Variants in ECT2L observed in about 807,000 individuals in gnomAD.
ECT2L encodes epithelial cell-transforming sequence 2 oncogene-like.
ECT2L carries 126 observed loss-of-function variants against 122.8 expected under a neutral mutation model. That is an observed-to-expected ratio of 1.03 (90% CI 0.89 to 1.19). The LOEUF (loss-of-function observed/expected upper bound fraction) is 1.19, where lower values mean the gene tolerates loss of function less well. Ranked by LOEUF, ECT2L falls within the 50% of genes most tolerant of loss-of-function variation. The probability of loss-of-function intolerance (pLI) is 0.00; values close to 1 mark genes in which losing one functional copy is unlikely to be tolerated. For synonymous variants in ECT2L, 385 were observed against 381.8 expected, an observed-to-expected ratio of 1.01 and a Z score of -0.10; for missense variants, 1,012 against 1,064.1, an observed-to-expected ratio of 0.95 and a Z score of 0.68.
chr6:138,889,008 T>C lies in ECT2L; in HGVS notation c.2391T>C (p.Asp797=), dbSNP rs373549611. The change falls in exon 20 of 22, where the codon GAT becomes GAC. Residue 797 remains aspartate, a synonymous_variant. Transcript: ENST00000541398. ...ATGTAGCCCAACTTCATTGCTGTGA[T>C]GAAGAAATAAGTTTCTCTTTAAGGT... ...VQDVAQLHCC[D]EEISFSLRLY... The C allele has an allele frequency of 7.1e-6, 11 of 1,550,816 alleles. No individual in the cohort carries two copies. In the African/African-American group the frequency reaches 1.5e-4, roughly 21 times the overall value.
At chr6:138,833,320 C>T (rs1419203541) in intron 4 of ECT2L, among the ~76,000 whole-genome samples, 1 of 152,152 alleles carries the variant, frequency 6.6e-6, no homozygotes, top group African/African-American at 2.4e-5. Context: ...TAACTTGTTT[C>T]CCCCAGCTTT....
chr6:138,839,785 G>A (rs185032751), intron 5 of ECT2L, among the ~76,000 whole-genome samples: 4 of 152,002 alleles, frequency 2.6e-5, no homozygotes, highest in East Asian at 1.9e-4. Flanking sequence ...TCCTTTGTGC[G>A]AATTAAACTT....
At chr6:138,855,379 G>A (rs1044493131) in intron 10 of ECT2L, among the ~76,000 whole-genome samples, 1 of 151,942 alleles carries the variant, frequency 6.6e-6, no homozygotes, top group Non-Finnish European at 1.5e-5. Flanking sequence ...CGTGGTGGCA[G>A]ACACCTGTAA....
rs1377933431 is a variant in ECT2L, at chr6:138,854,125, T to A, written c.1169T>A (p.Val390Glu). 2 of 1,614,020 alleles carry A rather than the reference T, an allele frequency of 1.2e-6. No individual in the cohort carries two copies. The highest frequency in any genetic ancestry group is 1.7e-6 in the Non-Finnish European group (2 of 1,180,014). Residue 390 changes from valine to glutamate, a missense_variant, in exon 10 of 22, where the codon GTG becomes GAG. Transcript: ENST00000541398. Reference sequence around the variant, plus strand: ...GCCACTGAAGAAGAAGGGGGTCACGTGGACTTCTTCGTGCCCCTTGGAGCA... The same window carrying A: ...GCCACTGAAGAAGAAGGGGGTCACGAGGACTTCTTCGTGCCCCTTGGAGCA... ...YVATEEEGGH[V>E]DFFVPLGASE...
chr6:138,876,336 T>C, intron 13 of ECT2L, 136 bp from the exon 14 acceptor site: 1 of 565,894 alleles, frequency 1.8e-6, no homozygotes, highest in Non-Finnish European at 3.1e-6. Flanking sequence ...TGCAAGCACT[T>C]AACTCATTGT....
At position 138,812,675 on chromosome 6, in the gene ECT2L, C is replaced by T. The variant is rs1009120658; in HGVS notation, c.-243-163C>T. Among the ~76,000 whole-genome samples the T allele has an allele frequency of 1.3e-4, 20 of 152,020 alleles. 1 individual carries two copies. Among genetic ancestry groups the T allele is most frequent in the Admixed American group, 1.0e-3 (16 of 15,254 alleles). On this transcript the variant is annotated intron_variant, in intron 1 of 21. Coordinates refer to ENST00000541398, the MANE Select transcript of ECT2L (RefSeq NM_001077706.3). ...CAAAAATTAGCCAGGCATGGTGGTG[C>T]GCACCTGTAATCCCAGCTACTCCAG...
chr6:138,825,711 C>A (rs988066009), intron 4 of ECT2L, among the ~76,000 whole-genome samples: 12 of 152,184 alleles, frequency 7.9e-5, no homozygotes, highest in Non-Finnish European at 1.3e-4. Context: ...ATATATGGAT[C>A]CGATTAGACC....
chr6:138,885,666 T>G lies in ECT2L; in HGVS notation c.2103-8T>G, dbSNP rs767878094. 1.9e-6 allele frequency: 3 copies of G among 1,613,802 alleles called. No homozygotes were observed. The African/African-American group carries it at 4.0e-5, about 22-fold the overall frequency. On this transcript the variant is annotated splice_region_variant and splice_polypyrimidine_tract_variant and intron_variant, in intron 17 of 21. Transcript: ENST00000541398. ...AGACCAGAGCTCCCTTCTCTATGCC[T>G]CATACAGCCTGCCAGAGCTGCTGCT...
intron 18 of ECT2L, 124 bp from the exon 19 acceptor site, chr6:138,886,733 T>A: frequency 1.4e-6 from 1 of 729,456 alleles, no homozygotes; most frequent in Non-Finnish European, 2.3e-6. Flanking sequence ...ATTTGAAACT[T>A]TCTATTATAA....
chr6:138,883,749 A>G (rs1407389379), intron 16 of ECT2L, among the ~76,000 whole-genome samples: 2 of 152,250 alleles, frequency 1.3e-5, no homozygotes, highest in African/African-American at 2.4e-5. Context: ...AAAGTATCAC[A>G]TGGTATCAGG....
chr6:138,844,485 AC>A lies in ECT2L; in HGVS notation c.671del (p.Pro224HisfsTer7). On this transcript the variant is annotated frameshift_variant, in exon 7 of 22. Transcript: ENST00000541398. LOFTEE classifies it high-confidence loss of function. Reference sequence around the variant, plus strand: ...CTAGCGTGCTAAAGCCCAGATGCCAACCACGCCTCTCCCAGACTGTAAGGGA... The same window carrying A: ...CTAGCGTGCTAAAGCCCAGATGCCAACACGCCTCTCCCAGACTGTAAGGGA... Reference protein sequence around the residue: ...CSSVLKPRCQPRLSQTVRERV... With the variant: ...CSSVLKPRCQXRLSQTVRERV... 1 of 1,614,140 alleles carries A rather than the reference AC, an allele frequency of 6.2e-7. No homozygotes were observed. The highest frequency in any genetic ancestry group is 8.5e-7 in the Non-Finnish European group (1 of 1,180,032).
rs57786220 is a variant in ECT2L, at chr6:138,806,511, C to CTTTTTTTTTTTTTTT, written c.-243-6322_-243-6308dup. Among the ~76,000 whole-genome samples, 17 of 89,666 alleles carry CTTTTTTTTTTTTTTT rather than the reference C, an allele frequency of 1.9e-4. 2 individuals carry two copies. The highest frequency in any genetic ancestry group is 3.6e-4 in the East Asian group (1 of 2,784). The allele number at this position is 89,666 out of a possible 152,430, so 58.8% of individuals were successfully genotyped here. On this transcript the variant is annotated intron_variant, in intron 1 of 21. Transcript: ENST00000541398. ...TCCCCTGTGCAGCTGAAAATTCACG[C>CTTTTTTTTTTTTTTT]TTTTTTTTTTTTTTTTTTTGAGATG...
At chr6:138,835,823 C>T (rs771303508) in intron 4 of ECT2L, among the ~76,000 whole-genome samples, 81 of 152,288 alleles carry the variant, frequency 5.3e-4, no homozygotes, top group Middle Eastern at 6.8e-3. Context: ...TTATAATCAC[C>T]CTTTTCCATT....
chr6:138,803,674 T>C (rs956474691), intron 1 of ECT2L, among the ~76,000 whole-genome samples: 11 of 152,206 alleles, frequency 7.2e-5, no homozygotes, highest in African/African-American at 2.7e-4. Flanking sequence ...GCTTTACACA[T>C]GAGGAAACTG....
chr6:138,884,091 C>T (rs1395858952), intron 16 of ECT2L, among the ~76,000 whole-genome samples: 1 of 152,106 alleles, frequency 6.6e-6, no homozygotes, highest in Non-Finnish European at 1.5e-5. Flanking sequence ...GTCTTAAACT[C>T]CTGGGCTCAA....
intron 4 of ECT2L, among the ~76,000 whole-genome samples, chr6:138,817,892 C>T (rs1002435758): frequency 1.3e-5 from 2 of 152,148 alleles, no homozygotes; most frequent in Non-Finnish European, 2.9e-5. Context: ...GTCCACATGA[C>T]TAATGGTTTC....
intron 20 of ECT2L, among the ~76,000 whole-genome samples, chr6:138,895,109 A>C (rs1779164921): frequency 6.6e-6 from 1 of 152,040 alleles, no homozygotes; most frequent in African/African-American, 2.4e-5. Context: ...GGAAAAAAAA[A>C]CGTTTTGAAA....
rs142317030 is a variant in ECT2L at position 138,852,378 on chromosome 6, G to C, written c.1070-1648G>C. ...AGAGATGATGAATGTTTTAGAAGTA[G>C]ACGTCTAGTTTCTATTTTTTTCTTA... On this transcript the variant is annotated intron_variant, in intron 9 of 21. Transcript: ENST00000541398. Among the ~76,000 whole-genome samples the C allele has an allele frequency of 2.2e-3, 336 of 151,376 alleles. 1 individual carries two copies. Among genetic ancestry groups the C allele is most frequent in the African/African-American group, 7.8e-3 (320 of 41,198 alleles).
chr6:138,806,316 T>C (rs900588907), intron 1 of ECT2L, among the ~76,000 whole-genome samples: 6 of 152,130 alleles, frequency 3.9e-5, no homozygotes, highest in African/African-American at 1.4e-4. Flanking sequence ...TTTGTATATA[T>C]GTAATTGTAA....
Sources: allele counts gnomAD v4.1 joint callset (sites outside exome capture counted in the v4.1 genomes callset), GRCh38; gene constraint gnomAD v4.1.1; transcripts MANE v1.5; gene names NCBI Gene and HGNC (gene_info 2026-07-23, HGNC 2026-07-21).